Variants in OR1F1 observed in about 807,000 individuals in gnomAD.
The protein encoded by OR1F1 is olfactory receptor 1F1.
For missense variants in OR1F1, 493 were observed against 376.3 expected (o/e 1.31, Z -2.57); for synonymous variants, 184 against 156.7 (o/e 1.17, Z -1.30).
At chr16:3,200,598 A>AAAAC (rs200340784), upstream of OR1F1, among the ~76,000 whole-genome samples, 6 of 152,362 alleles carry the variant, frequency 3.9e-5, no homozygotes, top group East Asian at 1.9e-4. Flanking sequence ...ACGTCATCTC[A>AAAAC]AAACAAACAA....
At chr16:3,188,526 G>A in the OR1F1 span, 1 of 152,210 alleles carries the variant, frequency 6.6e-6, no homozygotes, top group Non-Finnish European at 1.5e-5. Context: ...GAGAAGGGGA[G>A]AATACCGGAA....
the OR1F1 span, among the ~76,000 whole-genome samples, chr16:3,193,195 A>G: frequency 4.6e-5 from 7 of 152,210 alleles, no homozygotes; most frequent in South Asian, 1.5e-3. Context: ...CAAAGTGCTG[A>G]GATTACTGGC....
chr16:3,200,344 G>C (rs985129599), upstream of OR1F1, among the ~76,000 whole-genome samples: 1 of 152,134 alleles, frequency 6.6e-6, no homozygotes, highest in South Asian at 2.1e-4. Flanking sequence ...GCATGGTGGC[G>C]CATGCCTGTA....
rs1479245647 is a variant in OR1F1 at position 3,204,412 on chromosome 16, C to T, written c.166C>T (p.His56Tyr). ...GTCCGTAAGCATAGACTCCTGCCTG[C>T]ACACCCCCATGTACTTCTTCCTCAG... is the stretch of plus-strand genomic sequence containing the variant. The change falls in exon 1 of 1, where the codon CAC (histidine) becomes TAC (tyrosine). Residue 56 changes from histidine to tyrosine, a missense_variant. By Grantham distance (83) the His-to-Tyr change is moderately conservative. Transcript: ENST00000304646. The T allele has an allele frequency of 3.1e-6, 5 of 1,614,034 alleles. No homozygotes were observed. Among genetic ancestry groups the T allele is most frequent in the Non-Finnish European group, 4.2e-6 (5 of 1,180,040 alleles).
chr16:3,196,218 G>A, the OR1F1 span, among the ~76,000 whole-genome samples: 271 of 152,328 alleles, frequency 1.8e-3, 2 homozygotes, highest in African/African-American at 6.0e-3. Context: ...TGAGCCCTGT[G>A]TTGAGCACAT....
chr16:3,200,598 AAAAC>A (rs200340784), upstream of OR1F1, among the ~76,000 whole-genome samples: 3,758 of 152,354 alleles, frequency 0.025, 57 homozygotes, highest in Non-Finnish European at 0.037. Context: ...ACGTCATCTC[AAAAC>A]AAACAAACAA....
chr16:3,192,813 A>G, the OR1F1 span, among the ~76,000 whole-genome samples: 1 of 152,096 alleles, frequency 6.6e-6, no homozygotes. Context: ...GAGGCTGCTA[A>G]GAGGGCGCTG....
chr16:3,195,853 C>T, the OR1F1 span, among the ~76,000 whole-genome samples: 6 of 152,106 alleles, frequency 3.9e-5, no homozygotes, highest in African/African-American at 1.4e-4. Flanking sequence ...GCAATGTGGC[C>T]CCCAGTACAT....
At chr16:3,192,896 G>C in the OR1F1 span, among the ~76,000 whole-genome samples, 2 of 152,142 alleles carry the variant, frequency 1.3e-5, no homozygotes, top group South Asian at 4.2e-4. Flanking sequence ...TCTTCCTCCC[G>C]GGTACTGTGC....
At chr16:3,198,159 G>T in the OR1F1 span, among the ~76,000 whole-genome samples, 1 of 151,044 alleles carries the variant, frequency 6.6e-6, no homozygotes, top group African/African-American at 2.4e-5. Context: ...GAGAGAGAGG[G>T]AGAGAGAGAG....
At chr16:3,198,491 A>G in the OR1F1 span, among the ~76,000 whole-genome samples, 1 of 152,260 alleles carries the variant, frequency 6.6e-6, no homozygotes, top group African/African-American at 2.4e-5. Context: ...TTTTAGGGGA[A>G]TCAACACAGT....
the OR1F1 span, among the ~76,000 whole-genome samples, chr16:3,190,069 C>A: frequency 6.6e-6 from 1 of 152,154 alleles, no homozygotes; most frequent in Non-Finnish European, 1.5e-5. Context: ...TTAAAAGGTC[C>A]AGCCTGGGAC....
chr16:3,190,750 A>T, the OR1F1 span, among the ~76,000 whole-genome samples: 17 of 33,644 alleles, frequency 5.1e-4, no homozygotes, highest in African/African-American at 2.8e-3. Flanking sequence ...GACTCTATCT[A>T]AAAAAAAAAA....
upstream of OR1F1, among the ~76,000 whole-genome samples, chr16:3,203,016 AGCT>A (rs1958153364): frequency 6.6e-6 from 1 of 152,170 alleles, no homozygotes; most frequent in Non-Finnish European, 1.5e-5. Context: ...TCAGCATCCC[AGCT>A]GGGTGGGGGA....
exon 1 of OR1F1, chr16:3,204,321 T>A (rs1317025909): frequency 3.7e-6 from 6 of 1,614,074 alleles, no homozygotes; most frequent in Non-Finnish European, 5.1e-6. Context: ...AGCAGCAGCA[T>A]CTCCTCTTTG....
chr16:3,189,646 T>C, the OR1F1 span: 4 of 151,966 alleles, frequency 2.6e-5, no homozygotes, highest in African/African-American at 9.7e-5. Flanking sequence ...CTCGTTGGTC[T>C]AGGGGTATGA....
At chr16:3,191,779 G>A in the OR1F1 span, among the ~76,000 whole-genome samples, 7 of 152,150 alleles carry the variant, frequency 4.6e-5, no homozygotes, top group Middle Eastern at 6.3e-3. Flanking sequence ...AGAGGGGCGG[G>A]GGCGGGTGAG....
the OR1F1 span, among the ~76,000 whole-genome samples, chr16:3,192,211 C>T: frequency 6.6e-6 from 1 of 152,180 alleles, no homozygotes; most frequent in African/African-American, 2.4e-5. Flanking sequence ...TGCCCGCCAC[C>T]ACGCCCGATT....
At chr16:3,204,594 T>A in exon 1 of OR1F1, 1 of 1,614,206 alleles carries the variant, frequency 6.2e-7, no homozygotes, top group South Asian at 1.1e-5. Flanking sequence ...TCCTCCTAGC[T>A]GTGATGGCCT....
Sources: allele counts gnomAD v4.1 joint callset (sites outside exome capture counted in the v4.1 genomes callset), GRCh38; gene constraint gnomAD v4.1.1; transcripts MANE v1.5; gene names NCBI Gene and HGNC (gene_info 2026-07-23, HGNC 2026-07-21).